The following GALNTL6 variants were observed in gnomAD, a reference collection of about 807,000 sequenced individuals.
GALNTL6 encodes polypeptide N-acetylgalactosaminyltransferase-like 6.
In GALNTL6, 46 loss-of-function variants were observed where a neutral mutation model predicts 73.7. The observed-to-expected ratio is 0.62, with a 90% CI of 0.49 to 0.80. The LOEUF (loss-of-function observed/expected upper bound fraction) is 0.80, where lower values mean the gene tolerates loss of function less well. Among genes scored for constraint, GALNTL6 ranks in the 30% least tolerant of loss-of-function variants. The probability of loss-of-function intolerance (pLI) is 0.00; values close to 1 mark genes in which losing one functional copy is unlikely to be tolerated. For synonymous variants in GALNTL6, 259 were observed against 263.7 expected (o/e 0.98, Z 0.17); for missense variants, 604 against 755.0 (o/e 0.80, Z 2.34).
chr4:172,135,176 T>C (rs936087011), intron 2 of GALNTL6, among the ~76,000 whole-genome samples: 1 of 152,214 alleles, frequency 6.6e-6, no homozygotes, highest in Non-Finnish European at 1.5e-5. Flanking sequence ...TATTATAAGC[T>C]ATACTTATAA....
In GALNTL6 at chr4:172,461,851, C is replaced by G. The variant is rs142352011; in HGVS notation, c.553+113162C>G. ...ACTGGGCTATGGGATGCCCAGATAG[C>G]CAGTAAAACATTATTTATCAATGTG... On this transcript the variant is annotated intron_variant, in intron 5 of 12. Transcript: ENST00000506823. Among the ~76,000 whole-genome samples, 10 of 152,208 alleles carry G rather than the reference C, an allele frequency of 6.6e-5. No homozygotes were observed. The East Asian group carries it at 1.5e-3, about 24-fold the overall frequency.
intron 3 of GALNTL6, among the ~76,000 whole-genome samples, chr4:172,309,658 C>A (rs970114736): frequency 1.3e-4 from 19 of 151,828 alleles, no homozygotes; most frequent in Admixed American, 6.6e-5. Flanking sequence ...GATAAGAAAT[C>A]ATGAGTTATG....
intron 2 of GALNTL6, among the ~76,000 whole-genome samples, chr4:171,928,680 C>T (rs1218995780): frequency 2.0e-5 from 3 of 152,132 alleles, no homozygotes; most frequent in East Asian, 1.9e-4. Context: ...ATTATAATAC[C>T]GTATTTTACT....
chr4:172,534,979 A>G (rs1367082021), intron 5 of GALNTL6, among the ~76,000 whole-genome samples: 1 of 152,228 alleles, frequency 6.6e-6, no homozygotes, highest in African/African-American at 2.4e-5. Context: ...AGTGATTTGT[A>G]TAAGGCCATC....
At chr4:172,091,950 T>C (rs72698997) in intron 2 of GALNTL6, among the ~76,000 whole-genome samples, 3,072 of 152,322 alleles carry the variant, frequency 0.02, 36 homozygotes, top group Non-Finnish European at 0.03. Context: ...TTGTTTGATA[T>C]TGGGTTAGTG....
intron 5 of GALNTL6, among the ~76,000 whole-genome samples, chr4:172,374,001 ACCCTCATT>A (rs1742928559): frequency 6.6e-6 from 1 of 152,128 alleles, no homozygotes; most frequent in Non-Finnish European, 1.5e-5. Context: ...TGCCCTGGGC[ACCCTCATT>A]CCTGTTGTTG....
intron 3 of GALNTL6, among the ~76,000 whole-genome samples, chr4:172,254,735 C>A (rs1460103790): frequency 6.6e-6 from 1 of 151,606 alleles, no homozygotes; most frequent in African/African-American, 2.4e-5. Context: ...TTTTTAGTTC[C>A]ACAAGAGAAG....
intron 5 of GALNTL6, among the ~76,000 whole-genome samples, chr4:172,441,880 A>G (rs909679560): frequency 1.5e-5 from 2 of 129,620 alleles, no homozygotes; most frequent in African/African-American, 5.9e-5. Context: ...CTCAATTTGT[A>G]GTTTCATGAG....
chr4:172,934,177 G>A (rs1748492551), intron 9 of GALNTL6, among the ~76,000 whole-genome samples: 1 of 152,206 alleles, frequency 6.6e-6, no homozygotes, highest in Non-Finnish European at 1.5e-5. Flanking sequence ...GAGGGAAGAG[G>A]AGGAAGTAGC....
intron 2 of GALNTL6, among the ~76,000 whole-genome samples, chr4:172,222,026 G>T (rs1047574343): frequency 6.6e-6 from 1 of 151,656 alleles, no homozygotes; most frequent in African/African-American, 2.4e-5. Flanking sequence ...ATTAATTCTG[G>T]CTATGTTATT....
At chr4:172,162,530 A>AG (rs1734503073) in intron 2 of GALNTL6, among the ~76,000 whole-genome samples, 1 of 151,970 alleles carries the variant, frequency 6.6e-6, no homozygotes. Context: ...CAGTAGTCTA[A>AG]GGGGGTCACG....
At chr4:172,846,614 T>C (rs769994684) in intron 7 of GALNTL6, among the ~76,000 whole-genome samples, 6 of 152,208 alleles carry the variant, frequency 3.9e-5, no homozygotes, top group Non-Finnish European at 4.4e-5. Context: ...TTTGTTGTTT[T>C]AATTAAGTTA....
At chr4:172,955,843 C>A (rs572241555) in intron 10 of GALNTL6, among the ~76,000 whole-genome samples, 3 of 148,244 alleles carry the variant, frequency 2.0e-5, no homozygotes, top group East Asian at 2.0e-4. Context: ...CTGGCTGGCA[C>A]GGGTGGGGGT....
intron 4 of GALNTL6, among the ~76,000 whole-genome samples, chr4:172,319,294 T>C (rs1185250906): frequency 6.6e-6 from 1 of 152,186 alleles, no homozygotes; most frequent in Non-Finnish European, 1.5e-5. Context: ...CAAAGGATAA[T>C]CTGTAAATCT....
At chr4:172,691,275 G>A (rs940289095) in intron 5 of GALNTL6, among the ~76,000 whole-genome samples, 1 of 152,130 alleles carries the variant, frequency 6.6e-6, no homozygotes, top group Non-Finnish European at 1.5e-5. Flanking sequence ...GGGTTCATGG[G>A]GAGAACCATA....
At chr4:173,033,904 A>G (rs866686087) in intron 12 of GALNTL6, among the ~76,000 whole-genome samples, 1 of 152,204 alleles carries the variant, frequency 6.6e-6, no homozygotes, top group African/African-American at 2.4e-5. Flanking sequence ...AACTTGACAC[A>G]GAGGAGCTAC....
At chr4:172,453,811 C>G (rs1426242380) in intron 5 of GALNTL6, among the ~76,000 whole-genome samples, 2 of 152,138 alleles carry the variant, frequency 1.3e-5, no homozygotes, top group Non-Finnish European at 2.9e-5. Context: ...ATTCAACAGG[C>G]CACTGCGACA....
chr4:173,036,908 G>C (rs1180999358), intron 12 of GALNTL6, among the ~76,000 whole-genome samples: 1 of 152,188 alleles, frequency 6.6e-6, no homozygotes, highest in Non-Finnish European at 1.5e-5. Flanking sequence ...GGCAGAGGAG[G>C]GAAAGGCTGT....
At chr4:172,627,475 G>A (rs1216005869) in intron 5 of GALNTL6, among the ~76,000 whole-genome samples, 1 of 150,592 alleles carries the variant, frequency 6.6e-6, no homozygotes, top group Non-Finnish European at 1.5e-5. Context: ...TCTTTGCCAG[G>A]TTTTGGTATG....
Sources: gnomAD v4.1 joint callset for allele counts (sites outside exome capture counted in the v4.1 genomes callset) on GRCh38, gnomAD v4.1.1 for gene constraint, MANE v1.5 for transcripts, NCBI Gene and HGNC (gene_info 2026-07-23, HGNC 2026-07-21) for gene names.